Variants in AGBL4 observed in about 807,000 individuals in gnomAD.
The protein encoded by AGBL4 is cytosolic carboxypeptidase 6.
In AGBL4, 58 loss-of-function variants were observed where a neutral mutation model predicts 66.4. The observed-to-expected ratio is 0.87, with a 90% CI of 0.71 to 1.09. The LOEUF is 1.09. Ranked by LOEUF, AGBL4 falls within the 50% of genes least tolerant of loss-of-function variation. AGBL4 has a pLI of 0.00. For missense variants in AGBL4, 579 were observed against 631.0 expected (o/e 0.92, Z 0.88); for synonymous variants, 234 against 222.9 (o/e 1.05, Z -0.44).
chr1:49,931,247 TAAAG>T (rs1422161661), intron 1 of AGBL4, among the ~76,000 whole-genome samples: 4 of 152,062 alleles, frequency 2.6e-5, no homozygotes, highest in Admixed American at 6.6e-5. Flanking sequence ...GAGAAAAAAA[TAAAG>T]ACTTAAATAA....
At chr1:49,035,889 G>T (rs1281317980) in intron 5 of AGBL4, among the ~76,000 whole-genome samples, 2 of 151,978 alleles carry the variant, frequency 1.3e-5, no homozygotes, top group Admixed American at 1.3e-4. Context: ...TATGCATGTT[G>T]TCACTTACAA....
chr1:49,210,777 G>A (rs1648603383), intron 4 of AGBL4, among the ~76,000 whole-genome samples: 1 of 151,970 alleles, frequency 6.6e-6, no homozygotes, highest in Admixed American at 6.6e-5. Flanking sequence ...CACAAGGTGA[G>A]CCCTGAAAAT....
chr1:49,315,891 G>C (rs748341260), intron 3 of AGBL4, among the ~76,000 whole-genome samples: 1 of 152,040 alleles, frequency 6.6e-6, no homozygotes, highest in African/African-American at 2.4e-5. Flanking sequence ...TAGATAAACT[G>C]TGGTGCATCT....
chr1:48,568,204 G>A (rs2148310671), intron 11 of AGBL4, among the ~76,000 whole-genome samples: 1 of 152,044 alleles, frequency 6.6e-6, no homozygotes, highest in East Asian at 1.9e-4. Flanking sequence ...GCTTAAGCAG[G>A]GAACATAAAA....
At chr1:49,063,707 T>C (rs535557779) in intron 4 of AGBL4, among the ~76,000 whole-genome samples, 1 of 152,142 alleles carries the variant, frequency 6.6e-6, no homozygotes, top group African/African-American at 2.4e-5. Flanking sequence ...GAAGGGATGG[T>C]AGGTTTGTTA....
chr1:49,671,193 A>G (rs1457914951), intron 3 of AGBL4, among the ~76,000 whole-genome samples: 3 of 152,250 alleles, frequency 2.0e-5, no homozygotes, highest in South Asian at 2.1e-4. Context: ...TCACATGACC[A>G]TCTGATGTTT....
intron 5 of AGBL4, among the ~76,000 whole-genome samples, chr1:49,004,015 C>T (rs1024019893): frequency 2.6e-5 from 4 of 152,156 alleles, no homozygotes; most frequent in Non-Finnish European, 5.9e-5. Context: ...TCTAATGAGT[C>T]CCTTTTGCTG....
intron 1 of AGBL4, among the ~76,000 whole-genome samples, chr1:49,893,449 G>A (rs1648854150): frequency 6.6e-6 from 1 of 152,166 alleles, no homozygotes; most frequent in Non-Finnish European, 1.5e-5. Flanking sequence ...CTTGACTCTT[G>A]GATGGCATTT....
intron 11 of AGBL4, among the ~76,000 whole-genome samples, chr1:48,558,908 C>A (rs1434609321): frequency 1.3e-5 from 2 of 152,196 alleles, no homozygotes; most frequent in Non-Finnish European, 2.9e-5. Flanking sequence ...TGTTTCATCA[C>A]ACCTCTTAAT....
At chr1:49,790,960 C>T (rs1644585008) in intron 2 of AGBL4, among the ~76,000 whole-genome samples, 1 of 151,914 alleles carries the variant, frequency 6.6e-6, no homozygotes. Context: ...TTATAATGTA[C>T]AAAATATAAA....
At chr1:48,667,212 A>G (rs1187649805) in intron 6 of AGBL4, among the ~76,000 whole-genome samples, 1 of 152,186 alleles carries the variant, frequency 6.6e-6, no homozygotes, top group Non-Finnish European at 1.5e-5. Flanking sequence ...CCTTCTAACA[A>G]ATGAAATACT....
rs111760944 is a variant in AGBL4, at chr1:48,957,716, T to G, written c.594+87868A>C. On this transcript the variant is annotated intron_variant, in intron 5 of 13. Transcript: ENST00000371839. ...AATACCAAGAGTACTTCCTATGTTC[T>G]GAATTAGCTCTGGCTGATACAGCAT... is the stretch of plus-strand genomic sequence containing the variant. Among the ~76,000 whole-genome samples, 303 of 152,356 alleles carry G rather than the reference T, an allele frequency of 2.0e-3. 5 individuals are homozygous for G. The highest frequency in any genetic ancestry group is 6.7e-3 in the African/African-American group (280 of 41,594).
intron 2 of AGBL4, among the ~76,000 whole-genome samples, chr1:49,809,571 C>A (rs562575461): frequency 2.6e-5 from 4 of 152,042 alleles, no homozygotes; most frequent in Admixed American, 6.6e-5. Flanking sequence ...TTGTCAAAAC[C>A]AAATGATATC....
chr1:48,742,008 A>G (rs1649990065), intron 6 of AGBL4, among the ~76,000 whole-genome samples: 1 of 152,230 alleles, frequency 6.6e-6, no homozygotes. Context: ...AATAATCTTA[A>G]GTTTTTGTTT....
intron 6 of AGBL4, among the ~76,000 whole-genome samples, chr1:48,680,962 G>A (rs1027207876): frequency 1.3e-5 from 2 of 152,132 alleles, no homozygotes; most frequent in Non-Finnish European, 2.9e-5. Context: ...GAGTCACCTG[G>A]TGTACTCATT....
At chr1:49,499,240 T>G (rs1416604759) in intron 3 of AGBL4, among the ~76,000 whole-genome samples, 1 of 152,040 alleles carries the variant, frequency 6.6e-6, no homozygotes, top group Non-Finnish European at 1.5e-5. Context: ...TCTCAACATT[T>G]GTGTGTTCAG....
At chr1:48,742,220 AGTT>A (rs1174084179) in intron 6 of AGBL4, among the ~76,000 whole-genome samples, 1 of 152,204 alleles carries the variant, frequency 6.6e-6, no homozygotes, top group Non-Finnish European at 1.5e-5. Context: ...ACACAAACTG[AGTT>A]GTTATCTGTA....
intron 3 of AGBL4, among the ~76,000 whole-genome samples, chr1:49,384,401 G>A (rs957743311): frequency 6.6e-6 from 1 of 151,662 alleles, no homozygotes; most frequent in African/African-American, 2.4e-5. Flanking sequence ...AGACCACCCT[G>A]ACCAATATGG....
chr1:48,734,146 T>G (rs1257861632), intron 6 of AGBL4, among the ~76,000 whole-genome samples: 1 of 152,144 alleles, frequency 6.6e-6, no homozygotes, highest in Non-Finnish European at 1.5e-5. Flanking sequence ...GACGAAAGGT[T>G]ACCTCTGATT....
Sources: allele counts gnomAD v4.1 joint callset (sites outside exome capture counted in the v4.1 genomes callset), GRCh38; gene constraint gnomAD v4.1.1; transcripts MANE v1.5; gene names NCBI Gene and HGNC (gene_info 2026-07-23, HGNC 2026-07-21).